Variants in EPC2 observed in about 807,000 individuals in gnomAD.
The protein encoded by EPC2 is enhancer of polycomb homolog 2.
Under a neutral mutation model 92.1 loss-of-function variants are expected in EPC2, and 14 were observed. The ratio of observed to expected loss-of-function variants is 0.15; its 90% CI spans 0.10 to 0.24. EPC2 has a LOEUF of 0.24. Among genes scored for constraint, EPC2 ranks in the 10% least tolerant of loss-of-function variants. EPC2 has a pLI of 1.00. For missense variants in EPC2, 755 were observed against 971.5 expected (o/e 0.78, Z 2.96); for synonymous variants, 340 against 334.7 (o/e 1.02, Z -0.17).
intron 1 of EPC2, among the ~76,000 whole-genome samples, chr2:148,678,473 C>T (rs941501864): frequency 2.0e-5 from 3 of 152,352 alleles, no homozygotes; most frequent in Admixed American, 6.5e-5. Context: ...TGAGGAGGCT[C>T]GGGCTGCGCA....
chr2:148,753,844 G>T (rs183245901), intron 3 of EPC2, 83 bp from the exon 4 acceptor site: 2 of 1,147,780 alleles, frequency 1.7e-6, no homozygotes, highest in East Asian at 2.6e-5. Context: ...GAAACTGGTC[G>T]CATTTTTTTC....
At chr2:148,689,018 C>T (rs1355280288) in intron 1 of EPC2, among the ~76,000 whole-genome samples, 1 of 152,032 alleles carries the variant, frequency 6.6e-6, no homozygotes, top group Admixed American at 6.5e-5. Flanking sequence ...AAAAAAGTCA[C>T]GGAAGGCCTC....
Position 148,784,970 on chromosome 2 carries a change from A to G in EPC2, c.2320A>G (p.Thr774Ala). The G allele has an allele frequency of 6.5e-7, 1 of 1,529,384 alleles. No homozygotes were observed. Among genetic ancestry groups the G allele is most frequent in the Non-Finnish European group, 8.8e-7 (1 of 1,136,790 alleles). 94.7% of individuals were successfully genotyped at this position (1,529,384 alleles called of 1,614,324 possible). A position where few individuals can be genotyped will look rare whatever the true frequency, so the allele number is the denominator to read the frequency against. The change falls in exon 13 of 14, where the codon ACT (threonine) becomes GCT (alanine). Residue 774 changes from threonine (T) to alanine (A), a missense_variant. Transcript: ENST00000258484. Reference sequence around the variant, plus strand: ...CAGTATGGACAGAGTGCCAAAGGTTACTCCCAGCAGTGCCATCAGCAGCAT... The same window carrying G: ...CAGTATGGACAGAGTGCCAAAGGTTGCTCCCAGCAGTGCCATCAGCAGCAT... ...AASMDRVPKV[T>A]PSSAISSIAR...
intron 2 of EPC2, among the ~76,000 whole-genome samples, chr2:148,719,442 G>A (rs188253307): frequency 2.0e-5 from 3 of 152,074 alleles, no homozygotes; most frequent in Admixed American, 1.3e-4. Flanking sequence ...CTTTGTTGTC[G>A]TTTTCTGTTT....
At chr2:148,734,897 T>G (rs929739415) in intron 2 of EPC2, among the ~76,000 whole-genome samples, 1 of 151,948 alleles carries the variant, frequency 6.6e-6, no homozygotes, top group East Asian at 1.9e-4. Flanking sequence ...TGAGTATAAT[T>G]TCATGTTCTA....
chr2:148,749,272 G>T (rs1683042788), intron 3 of EPC2, among the ~76,000 whole-genome samples: 2 of 152,106 alleles, frequency 1.3e-5, no homozygotes, highest in South Asian at 4.2e-4. Context: ...TACTGGATCA[G>T]TTCTGTGGCC....
At chr2:148,732,993 C>T (rs1311443099) in intron 2 of EPC2, among the ~76,000 whole-genome samples, 1 of 108,104 alleles carries the variant, frequency 9.3e-6, no homozygotes, top group Non-Finnish European at 1.8e-5. Flanking sequence ...AAGAAACTAA[C>T]TTTAGGGACC....
intron 4 of EPC2, among the ~76,000 whole-genome samples, chr2:148,758,130 C>G (rs932042520): frequency 1.7e-5 from 2 of 116,520 alleles, no homozygotes; most frequent in African/African-American, 6.8e-5. Context: ...GGATTCTACC[C>G]CATAGAGTAA....
At chr2:148,680,167 C>A (rs956965039) in intron 1 of EPC2, among the ~76,000 whole-genome samples, 5 of 144,450 alleles carry the variant, frequency 3.5e-5, no homozygotes, top group African/African-American at 1.3e-4. Flanking sequence ...TTATTTATTT[C>A]TTCTTTTGCC....
chr2:148,707,110 G>T (rs999202646), intron 2 of EPC2, among the ~76,000 whole-genome samples: 4 of 152,110 alleles, frequency 2.6e-5, no homozygotes, highest in African/African-American at 9.7e-5. Context: ...CCCATCTCAC[G>T]TGCAGAGACA....
chr2:148,645,705 T>A (rs1432510923), intron 1 of EPC2, among the ~76,000 whole-genome samples: 3 of 152,164 alleles, frequency 2.0e-5, no homozygotes, highest in Non-Finnish European at 4.4e-5. Context: ...GATGAGGCGG[T>A]GCAGCACTGC....
intron 2 of EPC2, among the ~76,000 whole-genome samples, chr2:148,728,820 C>T (rs562952974): frequency 3.8e-4 from 57 of 150,762 alleles, no homozygotes; most frequent in Non-Finnish European, 6.8e-4. Context: ...ATCACGAGGT[C>T]GGGAGATCGA....
intron 1 of EPC2, among the ~76,000 whole-genome samples, chr2:148,656,250 T>A (rs1269214639): frequency 1.3e-5 from 2 of 152,172 alleles, no homozygotes; most frequent in Admixed American, 6.5e-5. Flanking sequence ...CTGTTGATTG[T>A]TTGTAGTTTG....
intron 2 of EPC2, among the ~76,000 whole-genome samples, chr2:148,742,442 G>C (rs1367412771): frequency 1.3e-5 from 2 of 151,332 alleles, no homozygotes; most frequent in African/African-American, 4.8e-5. Flanking sequence ...CTTTTTTTAT[G>C]TTTAAAAGTC....
intron 1 of EPC2, among the ~76,000 whole-genome samples, chr2:148,647,601 C>CT (rs1683829545): frequency 6.7e-6 from 1 of 149,650 alleles, no homozygotes; most frequent in Non-Finnish European, 1.5e-5. Context: ...GCCACTGCGC[C>CT]TGGCCGCGCC....
intron 10 of EPC2, among the ~76,000 whole-genome samples, chr2:148,777,244 G>A (rs961951373): frequency 6.6e-6 from 1 of 151,978 alleles, no homozygotes; most frequent in Admixed American, 6.6e-5. Flanking sequence ...AGAAATACTA[G>A]ATGATGTATT....
chr2:148,724,721 G>A (rs1053638084), intron 2 of EPC2, among the ~76,000 whole-genome samples: 1 of 151,984 alleles, frequency 6.6e-6, no homozygotes, highest in Admixed American at 6.6e-5. Context: ...ACAGTATTTG[G>A]CCACTTTTTT....
intron 1 of EPC2, among the ~76,000 whole-genome samples, chr2:148,652,241 T>C (rs1334884961): frequency 6.6e-6 from 1 of 152,176 alleles, no homozygotes; most frequent in African/African-American, 2.4e-5. Context: ...GATGGTAATA[T>C]AGCATGATCA....
At chr2:148,781,309 TTTTCA>T (rs951919204) in intron 10 of EPC2, among the ~76,000 whole-genome samples, 31 of 152,188 alleles carry the variant, frequency 2.0e-4, no homozygotes, top group African/African-American at 7.2e-4. Context: ...ATCAAAGTTT[TTTTCA>T]TTACATGCTC....
Sources: gnomAD v4.1 joint callset for allele counts (sites outside exome capture counted in the v4.1 genomes callset) on GRCh38, gnomAD v4.1.1 for gene constraint, MANE v1.5 for transcripts, NCBI Gene and HGNC (gene_info 2026-07-23, HGNC 2026-07-21) for gene names.